Variants in LRIG1 observed in about 807,000 individuals in gnomAD.
LRIG1 encodes the protein leucine-rich repeats and immunoglobulin-like domains protein 1.
Under a neutral mutation model 99.2 loss-of-function variants are expected in LRIG1, and 48 were observed. The ratio of observed to expected loss-of-function variants is 0.48; its 90% CI spans 0.38 to 0.62. The LOEUF (loss-of-function observed/expected upper bound fraction) is 0.62. Ranked by LOEUF, LRIG1 falls within the 20% of genes least tolerant of loss-of-function variation. LRIG1 has a pLI of 0.00. For missense variants in LRIG1, 1,646 were observed against 1,434.4 expected (o/e 1.15, Z -2.38); for synonymous variants, 772 against 596.1 (o/e 1.29, Z -4.30).
rs372364251 is a variant in LRIG1 at position 66,381,528 on chromosome 3, C to T, written c.2721G>A (p.Pro907=). The T allele has an allele frequency of 7.2e-5, 117 of 1,614,108 alleles. No individual in the cohort carries two copies. Among genetic ancestry groups the T allele is most frequent in the African/African-American group, 1.7e-4 (13 of 75,046 alleles). ...CTTCAGCTTTCTCCATCGCTTTCCA[C>T]GGCTCTTTGTGATACGCAGACCCAG... ...LCAGSAYHKE[P]WKAMEKAEGT... is the part of the protein sequence containing the mutation. Residue 907 remains proline, a synonymous_variant, in exon 17 of 19, where the codon CCG becomes CCA. Transcript: ENST00000273261.
At chr3:66,411,586 A>G (rs1702463082) in intron 6 of LRIG1, among the ~76,000 whole-genome samples, 2 of 152,168 alleles carry the variant, frequency 1.3e-5, no homozygotes, top group Admixed American at 1.3e-4. Context: ...AAACATCCTC[A>G]CTGTTCACAG....
At position 66,383,260 on chromosome 3, in the gene LRIG1, C is replaced by G; in HGVS notation, c.2213G>C (p.Arg738Pro). 1 of 1,614,134 alleles carries G rather than the reference C, an allele frequency of 6.2e-7. No individual in the cohort carries two copies. Among genetic ancestry groups the G allele is most frequent in the Non-Finnish European group, 8.5e-7 (1 of 1,179,974 alleles). Residue 738 changes from arginine (R) to proline (P), a missense_variant, in exon 15 of 19, where the codon CGG becomes CCG. Coordinates refer to ENST00000273261, the MANE Select transcript of LRIG1 (RefSeq NM_015541.3). Reference protein sequence around the residue: ...KGDRPLSLTERHHLTPDNQLL... With the variant: ...KGDRPLSLTEPHHLTPDNQLL... Reference sequence around the variant, plus strand: ...CTGGTTGTCAGGGGTCAAGTGGTGCCGCTCAGTGAGGCTCAGCGGGCGGTC... The same window carrying G: ...CTGGTTGTCAGGGGTCAAGTGGTGCGGCTCAGTGAGGCTCAGCGGGCGGTC...
intron 1 of LRIG1, among the ~76,000 whole-genome samples, chr3:66,493,254 A>C (rs982779422): frequency 1.3e-5 from 2 of 152,150 alleles, no homozygotes; most frequent in East Asian, 3.9e-4. Flanking sequence ...AAACCCTGGG[A>C]AATAATAGGA....
chr3:66,413,032 G>A lies in LRIG1; in HGVS notation c.648-18C>T. The A allele has an allele frequency of 1.9e-6, 3 of 1,614,108 alleles. No homozygotes were observed. The highest frequency in any genetic ancestry group is 2.5e-6 in the Non-Finnish European group (3 of 1,179,960). On this transcript the variant is annotated intron_variant, in intron 5 of 18. Coordinates refer to ENST00000273261, the MANE Select transcript of LRIG1 (RefSeq NM_015541.3). Reference sequence around the variant, plus strand: ...TGAGGTCCCTAAAGAGATGAAGCCAGCAGGGTCAGAGTGTCTTATGTGCAT... The same window carrying A: ...TGAGGTCCCTAAAGAGATGAAGCCAACAGGGTCAGAGTGTCTTATGTGCAT...
intron 1 of LRIG1, among the ~76,000 whole-genome samples, chr3:66,465,659 C>A (rs1207117711): frequency 6.6e-6 from 1 of 152,050 alleles, no homozygotes; most frequent in Non-Finnish European, 1.5e-5. Context: ...AGCCACCGTG[C>A]CCGGCCTGAG....
In LRIG1 at chr3:66,463,876, A is replaced by T. The variant is rs141576769; in HGVS notation, c.219-1367T>A. The stretch of plus-strand genomic sequence containing the variant: ...AGAGACGTTCATCTAAATAAAAGTC[A>T]AACTACACTTGAAACTAATGGCACT... On this transcript the variant is annotated intron_variant, in intron 1 of 18. Transcript: ENST00000273261. Among the ~76,000 whole-genome samples the T allele has an allele frequency of 7.7e-3, 1,167 of 152,306 alleles. 18 individuals are homozygous for T. The highest frequency in any genetic ancestry group is 0.037 in the Admixed American group (563 of 15,304).
intron 3 of LRIG1, 198 bp from the exon 4 acceptor site, chr3:66,417,464 G>A: frequency 1.7e-6 from 1 of 604,328 alleles, no homozygotes; most frequent in South Asian, 2.0e-5. Context: ...TTTCAATCTG[G>A]GACAAGTTTA....
Position 66,386,233 on chromosome 3 carries a change from G to T in LRIG1, c.1537C>A (p.Arg513=). 2 of 1,614,060 alleles carry T rather than the reference G, an allele frequency of 1.2e-6. No individual in the cohort carries two copies. Among genetic ancestry groups the T allele is most frequent in the Admixed American group, 1.7e-5 (1 of 60,012 alleles). ...TTMAMVGKDI[R]FTCSAASSSS... Reference sequence around the variant, plus strand: ...CTGCTGGCTGCTGAGCATGTAAACCGGATGTCCTTGCCCACCATAGCCATG... The same window carrying T: ...CTGCTGGCTGCTGAGCATGTAAACCTGATGTCCTTGCCCACCATAGCCATG... Residue 513 remains arginine, a synonymous_variant, in exon 13 of 19, where the codon CGG becomes AGG. Transcript: ENST00000273261.
Position 66,447,956 on chromosome 3 carries a change from T to C in LRIG1, c.365+3603A>G, listed in dbSNP as rs544839015. On this transcript the variant is annotated intron_variant, in intron 3 of 18. Transcript: ENST00000273261. ...AGCTTCTGCCCCCATTTAACAAAAG[T>C]CTGTTTCTTTTTCTCGGCACTATTT... Among the ~76,000 whole-genome samples the C allele has an allele frequency of 3.3e-5, 5 of 152,266 alleles. No individual in the cohort carries two copies. The South Asian group carries it at 1.0e-3, about 32-fold the overall frequency.
chr3:66,396,966 A>T (rs1433072305), intron 11 of LRIG1, among the ~76,000 whole-genome samples: 1 of 152,038 alleles, frequency 6.6e-6, no homozygotes, highest in Non-Finnish European at 1.5e-5. Context: ...TCCTTTCTGT[A>T]TGTTCCGTCT....
chr3:66,486,128 G>A (rs1272176806), intron 1 of LRIG1, among the ~76,000 whole-genome samples: 1 of 152,144 alleles, frequency 6.6e-6, no homozygotes, highest in African/African-American at 2.4e-5. Context: ...AGTTAACACA[G>A]ATATATCCTG....
At chr3:66,433,632 C>T (rs1471099032) in intron 3 of LRIG1, among the ~76,000 whole-genome samples, 1 of 152,244 alleles carries the variant, frequency 6.6e-6, no homozygotes, top group African/African-American at 2.4e-5. Flanking sequence ...CCCAATCATA[C>T]GATTTACAAT....
At chr3:66,496,346 G>A (rs1254184529) in intron 1 of LRIG1, among the ~76,000 whole-genome samples, 1 of 152,146 alleles carries the variant, frequency 6.6e-6, no homozygotes, top group African/African-American at 2.4e-5. Flanking sequence ...TCAAAGAATA[G>A]ATATTACGGC....
Position 66,410,361 on chromosome 3 carries a change from A to T in LRIG1, c.792-89T>A, listed in dbSNP as rs1702426023. ...AATGAGCAGCCACGCTGTACCTGAC[A>T]CTGCGGTCACACCAAGGCTAGAACA... is the stretch of plus-strand genomic sequence containing the variant. On this transcript the variant is annotated intron_variant, in intron 6 of 18. Transcript: ENST00000273261. 17 of 1,279,004 alleles carry T rather than the reference A, an allele frequency of 1.3e-5. No individual in the cohort carries two copies. The South Asian group carries it at 2.2e-4, about 17-fold the overall frequency. The allele number at this position is 1,279,004 out of a possible 1,614,324, so 79.2% of individuals were successfully genotyped here. A position where few individuals can be genotyped will look rare whatever the true frequency, so the allele number is the denominator to read the frequency against.
At chr3:66,412,260 T>A (rs975323439) in intron 6 of LRIG1, among the ~76,000 whole-genome samples, 6 of 152,126 alleles carry the variant, frequency 3.9e-5, no homozygotes, top group African/African-American at 1.4e-4. Context: ...CACCTGCACC[T>A]CAGGAAAGAC....
chr3:66,402,712 C>T (rs1487985673), intron 9 of LRIG1, among the ~76,000 whole-genome samples: 6 of 152,282 alleles, frequency 3.9e-5, no homozygotes, highest in East Asian at 3.9e-4. Flanking sequence ...CCCCACAGGA[C>T]GGATCAGCTG....
rs1701348684 is a variant in LRIG1, at chr3:66,501,022, T to C, written c.-615A>G. The stretch of plus-strand genomic sequence containing the variant: ...CGCAGCCGAACAATCAGCCGCTTGC[T>C]GTTCGCCTCCCCGCGGCCCAGCCCC... On this transcript the variant is annotated 5_prime_UTR_variant, in exon 1 of 19. Coordinates refer to ENST00000273261, the MANE Select transcript of LRIG1 (RefSeq NM_015541.3). 1 of 152,428 alleles carries C rather than the reference T, an allele frequency of 6.6e-6. No individual in the cohort carries two copies. The highest frequency in any genetic ancestry group is 6.6e-5 in the Admixed American group (1 of 15,264). 9.4% of individuals were successfully genotyped at this position (152,428 alleles called of 1,614,324 possible). A position where few individuals can be genotyped will look rare whatever the true frequency, so the allele number is the denominator to read the frequency against.
rs1416365755 is a variant in LRIG1 at position 66,380,872 on chromosome 3, G to C, written c.2771-11C>G. On this transcript the variant is annotated splice_polypyrimidine_tract_variant and intron_variant, in intron 17 of 18. Transcript: ENST00000273261. ...CCCGGCCACCGTGTTCTGAAGGACAGCGCCAAAGATGGGTTAGAGTCACTG... is the reference window on the plus strand; with the variant it reads ...CCCGGCCACCGTGTTCTGAAGGACACCGCCAAAGATGGGTTAGAGTCACTG... 3.7e-6 allele frequency: 6 copies of C among 1,612,494 alleles called. No individual in the cohort carries two copies. The highest frequency in any genetic ancestry group is 4.2e-6 in the Non-Finnish European group (5 of 1,178,784).
At chr3:66,405,638 T>A (rs900610855) in intron 8 of LRIG1, 66 of 859,506 alleles carry the variant, frequency 7.7e-5, no homozygotes, top group Non-Finnish European at 9.9e-5. Flanking sequence ...TCCTTAAGGC[T>A]CCCGTCTGCT....
Sources: allele counts gnomAD v4.1 joint callset (sites outside exome capture counted in the v4.1 genomes callset), GRCh38; gene constraint gnomAD v4.1.1; transcripts MANE v1.5; gene names NCBI Gene and HGNC (gene_info 2026-07-23, HGNC 2026-07-21).